The following AK5 variants were observed in gnomAD, a reference collection of about 807,000 sequenced individuals.
AK5 encodes adenylate kinase 5, also known as adenylate kinase isoenzyme 5.
In AK5, 27 loss-of-function variants were observed where a neutral mutation model predicts 69.5. The observed-to-expected ratio is 0.39, with a 90% CI of 0.29 to 0.54. The LOEUF (loss-of-function observed/expected upper bound fraction) is 0.54, where lower values mean the gene tolerates loss of function less well. Ranked by LOEUF, AK5 falls within the 20% of genes least tolerant of loss-of-function variation. The probability of loss-of-function intolerance (pLI) is 0.71; values close to 1 mark genes in which losing one functional copy is unlikely to be tolerated. For missense variants in AK5, 531 were observed against 700.4 expected (o/e 0.76, Z 2.73); for synonymous variants, 260 against 244.4 (o/e 1.06, Z -0.60).
chr1:77,511,663 G>T (rs1261723547), intron 10 of AK5, among the ~76,000 whole-genome samples: 1 of 152,216 alleles, frequency 6.6e-6, no homozygotes, highest in Admixed American at 6.5e-5. Context: ...GCATGACTCA[G>T]TTGGCTCAGT....
At chr1:77,343,927 T>A (rs985373726) in intron 6 of AK5, among the ~76,000 whole-genome samples, 4 of 152,226 alleles carry the variant, frequency 2.6e-5, no homozygotes, top group Non-Finnish European at 5.9e-5. Context: ...CCAAAATGAA[T>A]AGGTTGTAAA....
intron 5 of AK5, among the ~76,000 whole-genome samples, chr1:77,301,772 G>A (rs982983012): frequency 6.6e-6 from 1 of 152,112 alleles, no homozygotes; most frequent in Non-Finnish European, 1.5e-5. Flanking sequence ...TGAAATAAAG[G>A]CTCCTATTCA....
intron 8 of AK5, among the ~76,000 whole-genome samples, chr1:77,454,136 G>C (rs367845412): frequency 6.6e-6 from 1 of 152,168 alleles, no homozygotes; most frequent in Non-Finnish European, 1.5e-5. Context: ...TGCTGTGACC[G>C]GATGGACCAC....
At chr1:77,528,573 G>A (rs1421055307) in intron 12 of AK5, among the ~76,000 whole-genome samples, 1 of 152,150 alleles carries the variant, frequency 6.6e-6, no homozygotes, top group Non-Finnish European at 1.5e-5. Context: ...GTCTATGTGT[G>A]GTTTCTGTTA....
At chr1:77,543,745 G>T (rs1043850116) in intron 13 of AK5, among the ~76,000 whole-genome samples, 1 of 152,132 alleles carries the variant, frequency 6.6e-6, no homozygotes, top group East Asian at 1.9e-4. Flanking sequence ...ATTTATGGGG[G>T]TCTTCAGGAG....
At chr1:77,432,390 G>T (rs1288986920) in intron 8 of AK5, among the ~76,000 whole-genome samples, 1 of 152,152 alleles carries the variant, frequency 6.6e-6, no homozygotes, top group East Asian at 1.9e-4. Context: ...GGAATTTATT[G>T]CTATGTTCAG....
intron 10 of AK5, among the ~76,000 whole-genome samples, chr1:77,506,419 G>A (rs114091120): frequency 9.7e-4 from 147 of 152,224 alleles, no homozygotes; most frequent in African/African-American, 3.4e-3. Context: ...GGGTTAGGGT[G>A]CTGTGAGCTG....
intron 10 of AK5, among the ~76,000 whole-genome samples, chr1:77,490,306 G>A (rs546850694): frequency 3.9e-5 from 6 of 152,220 alleles, no homozygotes; most frequent in African/African-American, 1.4e-4. Flanking sequence ...CCCTGAGCTG[G>A]TGCTGTTTCT....
In AK5 at chr1:77,297,540, T is replaced by A; in HGVS notation, c.416-19T>A. 6.4e-7 allele frequency: 1 copy of A among 1,574,574 alleles called. No individual in the cohort carries two copies. Among genetic ancestry groups the A allele is most frequent in the Non-Finnish European group, 8.6e-7 (1 of 1,164,982 alleles). On this transcript the variant is annotated intron_variant, in intron 3 of 13. Transcript: ENST00000354567. ...TTATTGTATCAGAAGATCACAGTTT[T>A]GCCTGTTTTAAATACTAGGTGGTCC... is the stretch of plus-strand genomic sequence containing the variant.
chr1:77,506,819 C>A (rs1360669107), intron 10 of AK5, among the ~76,000 whole-genome samples: 1 of 151,986 alleles, frequency 6.6e-6, no homozygotes. Context: ...GCCAAGATGG[C>A]GAAACCCCAT....
At chr1:77,494,536 A>G (rs76973765) in intron 10 of AK5, among the ~76,000 whole-genome samples, 2,031 of 152,290 alleles carry the variant, frequency 0.013, 49 homozygotes, top group African/African-American at 0.046. Flanking sequence ...TTTTAAAATA[A>G]CAAAATCTCT....
At chr1:77,459,969 A>G (rs1390386527) in intron 8 of AK5, among the ~76,000 whole-genome samples, 1 of 152,212 alleles carries the variant, frequency 6.6e-6, no homozygotes, top group African/African-American at 2.4e-5. Flanking sequence ...AGAAACACTG[A>G]CATTCATTGA....
At chr1:77,546,765 C>T (rs1438495889) in intron 13 of AK5, among the ~76,000 whole-genome samples, 2 of 152,140 alleles carry the variant, frequency 1.3e-5, no homozygotes, top group Non-Finnish European at 2.9e-5. Flanking sequence ...GAAACCCCAG[C>T]GAAGTAGTAG....
chr1:77,329,446 A>T (rs917622515), intron 5 of AK5, among the ~76,000 whole-genome samples: 1 of 152,096 alleles, frequency 6.6e-6, no homozygotes, highest in Non-Finnish European at 1.5e-5. Flanking sequence ...TGCATTTTTT[A>T]AATGGGGTGT....
chr1:77,487,183 A>T (rs1010424283), intron 10 of AK5, among the ~76,000 whole-genome samples: 2 of 152,224 alleles, frequency 1.3e-5, no homozygotes, highest in African/African-American at 4.8e-5. Flanking sequence ...GCTCCAGGTT[A>T]TCTCAATTAA....
chr1:77,499,873 T>G (rs1187384523), intron 10 of AK5, among the ~76,000 whole-genome samples: 10 of 53,340 alleles, frequency 1.9e-4, no homozygotes, highest in African/African-American at 1.2e-3. Context: ...TTTTTCCATT[T>G]TTTTTTTTTT....
chr1:77,530,782 C>T (rs1658530713), intron 12 of AK5, among the ~76,000 whole-genome samples: 1 of 151,992 alleles, frequency 6.6e-6, no homozygotes, highest in Admixed American at 6.6e-5. Flanking sequence ...CAAAGAGTTC[C>T]TGGATGGCAT....
intron 7 of AK5, among the ~76,000 whole-genome samples, chr1:77,415,185 T>C (rs1192958106): frequency 6.6e-6 from 1 of 152,230 alleles, no homozygotes; most frequent in Non-Finnish European, 1.5e-5. Context: ...CAAAGGTATT[T>C]TCATTCTACC....
intron 8 of AK5, among the ~76,000 whole-genome samples, chr1:77,423,240 A>G (rs1650969966): frequency 7.1e-6 from 1 of 140,902 alleles, no homozygotes; most frequent in Admixed American, 7.0e-5. Context: ...ATAAAAAAAA[A>G]AGAAGAACTA....
Sources: allele counts gnomAD v4.1 joint callset (sites outside exome capture counted in the v4.1 genomes callset), GRCh38; gene constraint gnomAD v4.1.1; transcripts MANE v1.5; gene names NCBI Gene and HGNC (gene_info 2026-07-23, HGNC 2026-07-21).